RABGAP1L: variants seen among roughly 807,000 people sequenced by gnomAD.
RABGAP1L encodes RAB GTPase activating protein 1 like, also known as rab GTPase-activating protein 1-like.
A neutral mutation model predicts 137.7 loss-of-function variants in RABGAP1L; 63 were observed. That is an observed-to-expected ratio of 0.46 (90% CI 0.37 to 0.56). RABGAP1L has a LOEUF of 0.56. Ranked by LOEUF, RABGAP1L falls within the 20% of genes least tolerant of loss-of-function variation. The probability of loss-of-function intolerance (pLI) is 0.00; values close to 1 mark genes in which losing one functional copy is unlikely to be tolerated. For missense variants in RABGAP1L, 1,095 were observed against 1,244.0 expected, an observed-to-expected ratio of 0.88 and a Z score of 1.80; for synonymous variants, 431 against 433.7, an observed-to-expected ratio of 0.99 and a Z score of 0.08.
chr1:174,349,807 C>T (rs1682914188), intron 11 of RABGAP1L, among the ~76,000 whole-genome samples: 1 of 119,384 alleles, frequency 8.4e-6, no homozygotes, highest in Non-Finnish European at 1.9e-5. Context: ...GTAGGGGCGG[C>T]CGGGCAGAGG....
At chr1:174,223,522 A>G (rs546792906) in intron 3 of RABGAP1L, among the ~76,000 whole-genome samples, 177 of 151,842 alleles carry the variant, frequency 1.2e-3, no homozygotes, top group African/African-American at 4.1e-3. Flanking sequence ...GCCATTCATA[A>G]TACCAACAAA....
intron 19 of RABGAP1L, among the ~76,000 whole-genome samples, chr1:174,900,151 G>C (rs1243064299): frequency 6.6e-6 from 1 of 152,174 alleles, no homozygotes; most frequent in Non-Finnish European, 1.5e-5. Context: ...TGTACTTCAA[G>C]GTTGCCAGTA....
At chr1:174,846,230 G>A (rs1286266630) in intron 19 of RABGAP1L, among the ~76,000 whole-genome samples, 2 of 143,046 alleles carry the variant, frequency 1.4e-5, no homozygotes, top group Non-Finnish European at 3.1e-5. Context: ...ATTTCCTTCA[G>A]TTCTGCTCTG....
At chr1:174,465,408 C>T (rs1217707625) in intron 13 of RABGAP1L, among the ~76,000 whole-genome samples, 1 of 151,888 alleles carries the variant, frequency 6.6e-6, no homozygotes, top group African/African-American at 2.4e-5. Flanking sequence ...CCACATTGGC[C>T]AGGCTGGTTT....
At position 174,278,699 on chromosome 1, in the gene RABGAP1L, C is replaced by G; in HGVS notation, c.1243C>G (p.Arg415Gly). ...TCGCTTTCTCCTGGAGACAGTAGTC[C>G]GTGTGTACCCTGCAAATGAGCGATT... is the stretch of plus-strand genomic sequence containing the variant. ...PVRFLLETVV[R>G]VYPANERFWY... Residue 415 changes from arginine (R) to glycine (G), a missense_variant, in exon 10 of 26, where the codon CGT (arginine) becomes GGT (glycine). Arg to Gly is a moderately radical substitution (Grantham distance 125). Transcript: ENST00000681986. The G allele has an allele frequency of 1.2e-6, 2 of 1,600,036 alleles. No homozygotes were observed. Among genetic ancestry groups the G allele is most frequent in the Non-Finnish European group, 1.7e-6 (2 of 1,176,104 alleles).
intron 5 of RABGAP1L, among the ~76,000 whole-genome samples, chr1:174,243,897 C>T (rs1194700996): frequency 2.6e-5 from 4 of 152,168 alleles, no homozygotes; most frequent in Non-Finnish European, 5.9e-5. Context: ...AACAACTTTC[C>T]TGTTGCTTAC....
At chr1:174,507,354 A>G (rs1455907693) in intron 13 of RABGAP1L, among the ~76,000 whole-genome samples, 4 of 152,212 alleles carry the variant, frequency 2.6e-5, no homozygotes, top group African/African-American at 7.2e-5. Flanking sequence ...GCCATGTTAC[A>G]CTGATGCATA....
intron 17 of RABGAP1L, 135 bp from the exon 18 acceptor site, chr1:174,752,178 A>AT (rs925757700): frequency 2.1e-5 from 14 of 673,046 alleles, no homozygotes; most frequent in Non-Finnish European, 3.2e-5. Context: ...TTAAAAAAAA[A>AT]CTCATGGTTT....
At chr1:174,250,438 C>A (rs1235660535) in intron 5 of RABGAP1L, 37 bp from the exon 6 acceptor site, 3 of 1,538,032 alleles carry the variant, frequency 2.0e-6, no homozygotes, top group Admixed American at 1.8e-5. Context: ...GCAATTAAAA[C>A]CTTTGCCTAA....
chr1:174,406,627 C>G (rs1286381225), intron 13 of RABGAP1L, among the ~76,000 whole-genome samples: 1 of 152,046 alleles, frequency 6.6e-6, no homozygotes, highest in Non-Finnish European at 1.5e-5. Flanking sequence ...GTTTTGTAGG[C>G]TTTAATCAGT....
intron 18 of RABGAP1L, among the ~76,000 whole-genome samples, chr1:174,801,836 G>A (rs547877654): frequency 6.6e-6 from 1 of 152,092 alleles, no homozygotes; most frequent in African/African-American, 2.4e-5. Context: ...CAGGAGTTTT[G>A]ATATTGTGAA....
At chr1:174,540,812 T>TG (rs549948311) in intron 13 of RABGAP1L, among the ~76,000 whole-genome samples, 53 of 152,310 alleles carry the variant, frequency 3.5e-4, no homozygotes, top group Non-Finnish European at 5.6e-4. Flanking sequence ...TTAAAGTAGT[T>TG]TTTTCCAATT....
In RABGAP1L at chr1:174,304,651, A is replaced by C. The variant is rs377306030; in HGVS notation, c.1324-335A>C. Among the ~76,000 whole-genome samples the C allele has an allele frequency of 1.1e-4, 17 of 152,298 alleles. 1 individual carries two copies. The South Asian group carries it at 2.9e-3, about 26-fold the overall frequency. ...TGAGCTATATACTTTAGGTTCGTGT[A>C]AGGTAGTCAGTTAAGAGTCTAGCAT... On this transcript the variant is annotated intron_variant, in intron 10 of 25. Coordinates refer to ENST00000681986, the MANE Select transcript of RABGAP1L (RefSeq NM_001366446.1).
chr1:174,896,916 G>A lies in RABGAP1L; in HGVS notation c.2341-60541G>A, dbSNP rs186049986. On this transcript the variant is annotated intron_variant, in intron 19 of 25. Coordinates refer to ENST00000681986, the MANE Select transcript of RABGAP1L (RefSeq NM_001366446.1). The stretch of plus-strand genomic sequence containing the variant: ...TCTTTTGGCTTAGGATTGACTTGGC[G>A]ATGCAAGCTCTTTTTTGGTTCTGTA... 115 of 152,270 alleles carry A rather than the reference G, an allele frequency of 7.6e-4. 2 individuals are homozygous for A. Among genetic ancestry groups the A allele is most frequent in the African/African-American group, 2.5e-3 (103 of 41,574 alleles). 9.4% of individuals were successfully genotyped at this position (152,270 alleles called of 1,614,324 possible).
chr1:174,694,919 G>T (rs1679140068), intron 15 of RABGAP1L, among the ~76,000 whole-genome samples: 1 of 151,802 alleles, frequency 6.6e-6, no homozygotes. Context: ...GTATCTCATT[G>T]TGGTTTTGAT....
chr1:174,913,100 C>T (rs1033159828), intron 19 of RABGAP1L, among the ~76,000 whole-genome samples: 3 of 152,018 alleles, frequency 2.0e-5, no homozygotes, highest in Non-Finnish European at 4.4e-5. Context: ...CTCTGCCTCC[C>T]GAGTAGCTGG....
At chr1:174,182,241 AAAAAT>A (rs1666434092) in intron 1 of RABGAP1L, among the ~76,000 whole-genome samples, 1 of 152,208 alleles carries the variant, frequency 6.6e-6, no homozygotes, top group Non-Finnish European at 1.5e-5. Flanking sequence ...TCGGGGAAAA[AAAAAT>A]GAAATATGCA....
chr1:174,208,411 T>C (rs1449665791), intron 1 of RABGAP1L, among the ~76,000 whole-genome samples: 1 of 152,208 alleles, frequency 6.6e-6, no homozygotes, highest in African/African-American at 2.4e-5. Flanking sequence ...TTCGTGATTA[T>C]TAAGTGTGAT....
At chr1:174,777,524 G>T (rs1391069942) in intron 18 of RABGAP1L, among the ~76,000 whole-genome samples, 1 of 152,158 alleles carries the variant, frequency 6.6e-6, no homozygotes, top group Non-Finnish European at 1.5e-5. Context: ...CTTTATAGTT[G>T]CCTAGGATCT....
Sources: allele counts gnomAD v4.1 joint callset (sites outside exome capture counted in the v4.1 genomes callset), GRCh38; gene constraint gnomAD v4.1.1; transcripts MANE v1.5; gene names NCBI Gene and HGNC (gene_info 2026-07-23, HGNC 2026-07-21).